Variants in SLC5A4 observed in about 807,000 individuals in gnomAD.
SLC5A4 encodes probable glucose sensor protein SLC5A4.
A neutral mutation model predicts 70.3 loss-of-function variants in SLC5A4; 55 were observed. The observed-to-expected ratio is 0.78, with a 90% CI of 0.63 to 0.98. SLC5A4 has a LOEUF of 0.98. SLC5A4 is among the 50% of genes least tolerant of loss of function. The pLI, the probability that SLC5A4 is intolerant of heterozygous loss-of-function variation, is 0.00. For synonymous variants in SLC5A4, 268 were observed against 305.7 expected (o/e 0.88, Z 1.29); for missense variants, 735 against 839.2 (o/e 0.88, Z 1.53).
At chr22:32,332,921 C>T in the SLC5A4 span, among the ~76,000 whole-genome samples, 4 of 152,220 alleles carry the variant, frequency 2.6e-5, no homozygotes, top group South Asian at 6.2e-4. Context: ...AAAATAAAGA[C>T]TCTTTCTCCT....
At chr22:32,222,181 A>G (rs1002347076) in intron 13 of SLC5A4, among the ~76,000 whole-genome samples, 4 of 150,390 alleles carry the variant, frequency 2.7e-5, no homozygotes, top group Non-Finnish European at 5.9e-5. Context: ...TTCTTGATGT[A>G]ACATATGCCT....
chr22:32,271,765 C>A, the SLC5A4 span: 8 of 591,266 alleles, frequency 1.4e-5, no homozygotes, highest in African/African-American at 1.5e-4. Context: ...GCTTCCTGTA[C>A]TTCAACAGAC....
At chr22:32,288,737 G>A in the SLC5A4 span, among the ~76,000 whole-genome samples, 9 of 151,936 alleles carry the variant, frequency 5.9e-5, no homozygotes, top group Non-Finnish European at 1.2e-4. Flanking sequence ...GTAGAGACAG[G>A]GTTTCTCCTT....
At chr22:32,321,084 A>G in the SLC5A4 span, among the ~76,000 whole-genome samples, 81,481 of 152,070 alleles carry the variant, frequency 0.54, 22,187 homozygotes, top group East Asian at 0.72. Context: ...TCAGGAGTTC[A>G]AAACCAGCCT....
chr22:32,331,132 GTGTC>G, the SLC5A4 span, among the ~76,000 whole-genome samples: 153 of 97,002 alleles, frequency 1.6e-3, 1 homozygote, highest in Non-Finnish European at 2.7e-3. Flanking sequence ...AGGCTCTGGT[GTGTC>G]TGTGTGTTGG....
At chr22:32,275,005 C>A in the SLC5A4 span, among the ~76,000 whole-genome samples, 1 of 152,198 alleles carries the variant, frequency 6.6e-6, no homozygotes. Context: ...TTCACAACTT[C>A]ATTAACTCAC....
chr22:32,309,311 G>C, the SLC5A4 span, among the ~76,000 whole-genome samples: 2 of 152,208 alleles, frequency 1.3e-5, no homozygotes, highest in African/African-American at 4.8e-5. Context: ...TACAAACGCG[G>C]TAGTTCTGCA....
chr22:32,287,818 G>C, the SLC5A4 span, among the ~76,000 whole-genome samples: 1 of 150,590 alleles, frequency 6.6e-6, no homozygotes, highest in Non-Finnish European at 1.5e-5. Context: ...ACCCCTATCT[G>C]TCTTCATTCT....
At chr22:32,264,493 C>T in the SLC5A4 span, among the ~76,000 whole-genome samples, 1 of 151,964 alleles carries the variant, frequency 6.6e-6, no homozygotes. Flanking sequence ...ATCACCTGAG[C>T]CCATGTAGTT....
the SLC5A4 span, among the ~76,000 whole-genome samples, chr22:32,264,657 T>C: frequency 0.015 from 2,225 of 152,226 alleles, 51 homozygotes; most frequent in African/African-American, 0.051. Context: ...TAACATTTAA[T>C]CAGACCGAAG....
At chr22:32,305,192 C>G in the SLC5A4 span, among the ~76,000 whole-genome samples, 25 of 151,268 alleles carry the variant, frequency 1.7e-4, no homozygotes, top group African/African-American at 5.6e-4. Context: ...TTCTAATCAG[C>G]TCTTTAAAAA....
At chr22:32,281,844 ATGTT>A in the SLC5A4 span, among the ~76,000 whole-genome samples, 18 of 149,396 alleles carry the variant, frequency 1.2e-4, no homozygotes, top group Non-Finnish European at 2.5e-4. Context: ...CTCCGCTTTC[ATGTT>A]TGTTTGTTTG....
At chr22:32,270,892 C>T in the SLC5A4 span, 1 of 556,412 alleles carries the variant, frequency 1.8e-6, no homozygotes. Context: ...CCAACGTGAT[C>T]ACGCTGTGCC....
At chr22:32,336,215 C>T in the SLC5A4 span, among the ~76,000 whole-genome samples, 2 of 152,252 alleles carry the variant, frequency 1.3e-5, no homozygotes, top group South Asian at 4.1e-4. Flanking sequence ...TAGGATCTCG[C>T]GTCTTCCACA....
the SLC5A4 span, among the ~76,000 whole-genome samples, chr22:32,323,494 G>C: frequency 6.6e-6 from 1 of 152,148 alleles, no homozygotes; most frequent in South Asian, 2.1e-4. Context: ...TGCACAGGAA[G>C]GGAAGAATGT....
At chr22:32,312,135 G>A in the SLC5A4 span, among the ~76,000 whole-genome samples, 1 of 152,070 alleles carries the variant, frequency 6.6e-6, no homozygotes, top group African/African-American at 2.4e-5. Flanking sequence ...TTTGTTACAG[G>A]AATGAATTCT....
rs571148352 is a variant in SLC5A4, at chr22:32,243,348, C to T, written c.477+4063G>A. The stretch of plus-strand genomic sequence containing the variant: ...TCCAGATGAAAGGAGGCTAAAGACA[C>T]TTGGCAAGTGAATGTAGTACCTGAC... On this transcript the variant is annotated intron_variant, in intron 5 of 14. Coordinates refer to ENST00000266086, the MANE Select transcript of SLC5A4 (RefSeq NM_014227.3). Among the ~76,000 whole-genome samples the T allele has an allele frequency of 4.6e-5, 7 of 152,254 alleles. No individual in the cohort carries two copies. The South Asian group carries it at 1.2e-3, about 27-fold the overall frequency.
chr22:32,334,341 G>A, the SLC5A4 span, among the ~76,000 whole-genome samples: 7 of 152,224 alleles, frequency 4.6e-5, no homozygotes, highest in African/African-American at 1.7e-4. Context: ...GTCCTTCCTG[G>A]TCAGCAGCAA....
At chr22:32,338,143 G>C in the SLC5A4 span, among the ~76,000 whole-genome samples, 1 of 152,158 alleles carries the variant, frequency 6.6e-6, no homozygotes, top group Non-Finnish European at 1.5e-5. Context: ...AATTTGACTT[G>C]ATTTCAAGTC....
Sources: allele counts gnomAD v4.1 joint callset (sites outside exome capture counted in the v4.1 genomes callset), GRCh38; gene constraint gnomAD v4.1.1; transcripts MANE v1.5; gene names NCBI Gene and HGNC (gene_info 2026-07-23, HGNC 2026-07-21).